The following GRIN2A variants were observed in gnomAD, a reference collection of about 807,000 sequenced individuals.
GRIN2A encodes glutamate ionotropic receptor NMDA type subunit 2A.
Under a neutral mutation model 113.4 loss-of-function variants are expected in GRIN2A, and 22 were observed. The ratio of observed to expected loss-of-function variants is 0.19; its 90% confidence interval spans 0.14 to 0.28. The LOEUF is 0.28. Ranked by LOEUF, GRIN2A falls within the 10% of genes least tolerant of loss-of-function variation. The probability of loss-of-function intolerance (pLI) is 1.00; values close to 1 mark genes in which losing one functional copy is unlikely to be tolerated. For missense variants in GRIN2A, 1,502 were observed against 1,887.0 expected, an observed-to-expected ratio of 0.80 and a Z score of 3.78; for synonymous variants, 827 against 738.4, an observed-to-expected ratio of 1.12 and a Z score of -1.94.
intron 2 of GRIN2A, among the ~76,000 whole-genome samples, chr16:10,105,592 T>C (rs2048483766): frequency 1.3e-5 from 2 of 152,114 alleles, no homozygotes; most frequent in East Asian, 1.9e-4. Context: ...TTTAATAACA[T>C]AAGAATTCCC....
chr16:10,131,266 G>C (rs1005144352), intron 2 of GRIN2A, among the ~76,000 whole-genome samples: 2 of 152,160 alleles, frequency 1.3e-5, no homozygotes, highest in Admixed American at 1.3e-4. Context: ...AGAGTGGGCT[G>C]TAGTAGTGAG....
intron 2 of GRIN2A, among the ~76,000 whole-genome samples, chr16:10,178,043 T>C (rs938152176): frequency 9.9e-5 from 15 of 152,232 alleles, no homozygotes; most frequent in African/African-American, 2.9e-4. Flanking sequence ...CAAACCCTCA[T>C]GGATCCAGAA....
intron 3 of GRIN2A, among the ~76,000 whole-genome samples, chr16:9,896,885 C>T (rs1307529957): frequency 6.6e-6 from 1 of 152,182 alleles, no homozygotes; most frequent in African/African-American, 2.4e-5. Flanking sequence ...CCACATTGAT[C>T]AGTTCCCATT....
chr16:9,914,905 CTTTTTTTTTTTTTTTTTTTTTTTTTT>C lies in GRIN2A; in HGVS notation c.1007+23028_1007+23053del, dbSNP rs869182389. On this transcript the variant is annotated intron_variant, in intron 3 of 12. Coordinates refer to ENST00000330684, the MANE Select transcript of GRIN2A (RefSeq NM_001134407.3). ...TATTTACAGCCTATTGATTATGCAG[CTTTTTTTTTTTTTTTTTTTTTTTTTT>C]TTTTTTTTTTTTTTTTTTTTAATGA... Among the ~76,000 whole-genome samples the C allele has an allele frequency of 9.9e-3, 330 of 33,474 alleles. 3 individuals carry two copies. The highest frequency in any genetic ancestry group is 0.025 in the African/African-American group (252 of 10,230). 22.0% of individuals were successfully genotyped at this position (33,474 alleles called of 152,430 possible). A position where few individuals can be genotyped will look rare whatever the true frequency, so the allele number is the denominator to read the frequency against.
In GRIN2A at chr16:9,757,789, A is replaced by G. The variant is rs1231240890; in HGVS notation, c.*5360T>C. 2 of 221,074 alleles carry G rather than the reference A, an allele frequency of 9.0e-6. No individual in the cohort carries two copies. The highest frequency in any genetic ancestry group is 1.8e-5 in the Non-Finnish European group (2 of 110,274). 13.7% of individuals were successfully genotyped at this position (221,074 alleles called of 1,614,324 possible). ...TCTGAGAAAAGTTTTCTCTTCTAGG[A>G]ACTTTAAGACAGGGATTGTGAGGGA... On this transcript the variant is annotated 3_prime_UTR_variant, in exon 13 of 13. Coordinates refer to ENST00000330684, the MANE Select transcript of GRIN2A (RefSeq NM_001134407.3).
chr16:9,827,743 C>A (rs1225513648), intron 9 of GRIN2A, among the ~76,000 whole-genome samples: 1 of 152,036 alleles, frequency 6.6e-6, no homozygotes, highest in Non-Finnish European at 1.5e-5. Flanking sequence ...AAAAGGGATC[C>A]CAGGAGATCC....
chr16:10,115,076 A>C (rs928213049), intron 2 of GRIN2A, among the ~76,000 whole-genome samples: 2 of 152,216 alleles, frequency 1.3e-5, no homozygotes, highest in Non-Finnish European at 2.9e-5. Context: ...CTTGCTGTGC[A>C]TGTTCCTTCC....
intron 3 of GRIN2A, among the ~76,000 whole-genome samples, chr16:9,932,815 A>G (rs1372177975): frequency 6.6e-6 from 1 of 152,160 alleles, no homozygotes; most frequent in African/African-American, 2.4e-5. Context: ...GCCGACGTGG[A>G]GTTCAGTGAC....
chr16:10,178,083 A>G (rs1188859366), intron 2 of GRIN2A, among the ~76,000 whole-genome samples: 3 of 152,182 alleles, frequency 2.0e-5, no homozygotes, highest in Non-Finnish European at 2.9e-5. Context: ...TACTGTTTCC[A>G]GTCTATCACT....
intron 2 of GRIN2A, among the ~76,000 whole-genome samples, chr16:9,992,616 G>C (rs1302121763): frequency 6.6e-6 from 1 of 152,178 alleles, no homozygotes; most frequent in Non-Finnish European, 1.5e-5. Flanking sequence ...GAATGCTCTG[G>C]ATATTTGCTG....
intron 2 of GRIN2A, among the ~76,000 whole-genome samples, chr16:10,159,506 G>A (rs888828500): frequency 5.3e-5 from 8 of 152,220 alleles, no homozygotes; most frequent in East Asian, 3.9e-4. Flanking sequence ...GAGGGCTCTC[G>A]CCTGTACAGA....
intron 5 of GRIN2A, among the ~76,000 whole-genome samples, chr16:9,847,154 CCTT>C (rs1202992985): frequency 6.6e-6 from 1 of 152,034 alleles, no homozygotes; most frequent in Non-Finnish European, 1.5e-5. Context: ...ACGTTTTTAA[CCTT>C]CTTGAGAAGC....
chr16:10,024,500 G>A (rs2046784183), intron 2 of GRIN2A, among the ~76,000 whole-genome samples: 1 of 152,244 alleles, frequency 6.6e-6, no homozygotes. Context: ...TTACAGGCGT[G>A]AGCCAACGTG....
intron 3 of GRIN2A, among the ~76,000 whole-genome samples, chr16:9,921,323 A>T (rs2044354811): frequency 6.6e-6 from 1 of 152,166 alleles, no homozygotes. Flanking sequence ...CAAGGGAGAG[A>T]TCTTTGTACC....
chr16:9,889,903 C>T (rs2043659537), intron 4 of GRIN2A, among the ~76,000 whole-genome samples: 1 of 152,166 alleles, frequency 6.6e-6, no homozygotes, highest in African/African-American at 2.4e-5. Flanking sequence ...TTCCCATGTG[C>T]ACTCGAAAGG....
chr16:10,060,363 CTGTT>C (rs1212787709), intron 2 of GRIN2A, among the ~76,000 whole-genome samples: 2 of 152,180 alleles, frequency 1.3e-5, no homozygotes, highest in African/African-American at 4.8e-5. Flanking sequence ...CACACATTAT[CTGTT>C]TAGCCCCTAC....
chr16:10,102,283 C>T (rs184269132), intron 2 of GRIN2A, among the ~76,000 whole-genome samples: 6 of 152,352 alleles, frequency 3.9e-5, no homozygotes, highest in South Asian at 2.1e-4. Context: ...TGAGCTCTCG[C>T]TCTTAGTTCA....
chr16:10,046,366 A>G (rs2047258602), intron 2 of GRIN2A, among the ~76,000 whole-genome samples: 1 of 151,810 alleles, frequency 6.6e-6, no homozygotes, highest in South Asian at 2.1e-4. Context: ...TCCTCAGTTA[A>G]CCTAAGCAAC....
At chr16:9,921,423 T>G (rs749307168) in intron 3 of GRIN2A, among the ~76,000 whole-genome samples, 1 of 152,134 alleles carries the variant, frequency 6.6e-6, no homozygotes, top group Non-Finnish European at 1.5e-5. Context: ...AATCAGAAGA[T>G]CGGGTGCTAA....
Sources: allele counts gnomAD v4.1 joint callset (sites outside exome capture counted in the v4.1 genomes callset), GRCh38; gene constraint gnomAD v4.1.1; transcripts MANE v1.5; gene names NCBI Gene and HGNC (gene_info 2026-07-23, HGNC 2026-07-21).